SLC27A5: variants seen among roughly 807,000 people sequenced by gnomAD.
SLC27A5 encodes long-chain fatty acid transport protein 5.
SLC27A5 carries 47 observed loss-of-function variants against 63.1 expected under a neutral mutation model. That is an observed-to-expected ratio of 0.74 (90% CI 0.59 to 0.95). The LOEUF is 0.95. Ranked by LOEUF, SLC27A5 falls within the 40% of genes least tolerant of loss-of-function variation. The pLI is 0.00. For missense variants in SLC27A5, 940 were observed against 921.0 expected (o/e 1.02, Z -0.27); for synonymous variants, 391 against 403.8 (o/e 0.97, Z 0.38).
Position 58,500,549 on chromosome 19 carries a change from C to T in SLC27A5, c.1340G>A (p.Arg447His), listed in dbSNP as rs781015923. Reference sequence around the variant, plus strand: ...GCTCATCTTGCCCAGGGCCCCGCAGCGCCCCACATAGTTGACTAAGCCCAT... The same window carrying T: ...GCTCATCTTGCCCAGGGCCCCGCAGTGCCCCACATAGTTGACTAAGCCCAT... ...GNMGLVNYVG[R>H]CGALGKMSCL... The change falls in exon 5 of 10, where the codon CGC becomes CAC. Residue 447 changes from arginine (R) to histidine (H), a missense_variant. By Grantham distance (29) the Arg-to-His change is conservative. Transcript: ENST00000263093. 8 of 1,613,958 alleles carry T rather than the reference C, an allele frequency of 5.0e-6. No individual in the cohort carries two copies. The highest frequency in any genetic ancestry group is 2.2e-5 in the East Asian group (1 of 44,900).
chr19:58,498,546 T>C lies in SLC27A5; in HGVS notation c.2042A>G (p.Gln681Arg). 7 of 1,613,908 alleles carry C rather than the reference T, an allele frequency of 4.3e-6. No homozygotes were observed. Among genetic ancestry groups the C allele is most frequent in the Non-Finnish European group, 5.9e-6 (7 of 1,179,924 alleles). The stretch of plus-strand genomic sequence containing the variant: ...CCTCCAGGTTCCCTCACACACAGCC[T>C]GGTACATTTCTGCCGTCAGGGGCCG... ...SFRPLTAEMY[Q>R]AVCEGTWRL Residue 681 changes from glutamine to arginine, a missense_variant, in exon 10 of 10, where the codon CAG (glutamine) becomes CGG (arginine). Gln to Arg is a conservative substitution (Grantham distance 43). Transcript: ENST00000263093.
intron 3 of SLC27A5, among the ~76,000 whole-genome samples, chr19:58,505,123 CAG>C (rs761661520): frequency 2.6e-3 from 304 of 119,196 alleles, no homozygotes; most frequent in South Asian, 5.3e-3. Flanking sequence ...TTTTTTGAGA[CAG>C]AGTCTCGCTT....
intron 4 of SLC27A5, 41 bp downstream of exon 4, chr19:58,501,245 A>C (rs760509958): frequency 2.5e-6 from 4 of 1,600,064 alleles, no homozygotes; most frequent in Non-Finnish European, 2.6e-6. Flanking sequence ...GGGATTTCAT[A>C]CTTGGGTGTT....
At chr19:58,503,818 A>AAAC (rs2053311190) in intron 3 of SLC27A5, among the ~76,000 whole-genome samples, 3 of 150,710 alleles carry the variant, frequency 2.0e-5, no homozygotes, top group African/African-American at 7.4e-5. Flanking sequence ...AACAAACAAA[A>AAAC]AAACAGCCAA....
chr19:58,501,286 C>A lies in SLC27A5; in HGVS notation c.1182G>T (p.Gln394His). 1.2e-6 allele frequency: 2 copies of A among 1,612,896 alleles called. No homozygotes were observed. The highest frequency in any genetic ancestry group is 1.7e-6 in the Non-Finnish European group (2 of 1,179,248). Residue 394 changes from glutamine (Q) to histidine (H), a missense_variant and splice_region_variant, in exon 4 of 10, where the codon CAG becomes CAT. Gln to His is a conservative substitution (Grantham distance 24). Transcript: ENST00000263093. Reference sequence around the variant, plus strand: ...TGGAGCCCTAATCTTAGAGCCTCACCTGGGGAATGTTACACAAGTACCGCA... The same window carrying A: ...TGGAGCCCTAATCTTAGAGCCTCACATGGGGAATGTTACACAAGTACCGCA... Reference protein sequence around the residue: ...ELLRYLCNIPQQPEDRTHTVR... With the variant: ...ELLRYLCNIPHQPEDRTHTVR...
chr19:58,504,020 C>T (rs1301386637), intron 3 of SLC27A5, among the ~76,000 whole-genome samples: 1 of 151,634 alleles, frequency 6.6e-6, no homozygotes, highest in African/African-American at 2.4e-5. Flanking sequence ...GAGGATGAGG[C>T]ATGAGAATCG....
intron 3 of SLC27A5, among the ~76,000 whole-genome samples, chr19:58,504,581 G>GGGGCGGGGGGGGC (rs2053321590): frequency 6.6e-5 from 8 of 121,162 alleles, no homozygotes; most frequent in African/African-American, 2.7e-4. Flanking sequence ...CCTGGGGGGG[G>GGGGCGGGGGGGGC]GGGGGGGGCG....
At chr19:58,506,711 G>C (rs1362372105) in intron 3 of SLC27A5, among the ~76,000 whole-genome samples, 5 of 150,476 alleles carry the variant, frequency 3.3e-5, no homozygotes, top group Admixed American at 6.7e-5. Flanking sequence ...CCAGGTTGAA[G>C]CGATTTTCCT....
chr19:58,511,606 A>G lies in SLC27A5; in HGVS notation c.350T>C (p.Val117Ala). ...TCGTGCTCGCCGCTCGAAGGCATCT[A>G]CAAAGGTGTCAGGCGGCTGCCGGCT... is the stretch of plus-strand genomic sequence containing the variant. ...CLSRQPPDTF[V>A]DAFERRARAQ... is the part of the protein sequence containing the mutation. Residue 117 changes from valine to alanine, a missense_variant, in exon 1 of 10, where the codon GTA becomes GCA. Transcript: ENST00000263093. 6.3e-7 allele frequency: 1 copy of G among 1,593,780 alleles called. No homozygotes were observed.
intron 4 of SLC27A5, 80 bp downstream of exon 4, chr19:58,501,206 A>T: frequency 6.5e-7 from 1 of 1,542,198 alleles, no homozygotes. Flanking sequence ...TGAGTTCAGT[A>T]CCTGAATCTT....
chr19:58,500,270 G>T (rs191586110), intron 6 of SLC27A5, 69 bp downstream of exon 6: 1 of 1,334,716 alleles, frequency 7.5e-7, no homozygotes, highest in Admixed American at 1.7e-5. Flanking sequence ...TGAGCAGCTC[G>T]TTCCAGCCAA....
At position 58,499,186 on chromosome 19, in the gene SLC27A5, C is replaced by T; in HGVS notation, c.1702G>A (p.Glu568Lys). 1 of 1,614,016 alleles carries T rather than the reference C, an allele frequency of 6.2e-7. No individual in the cohort carries two copies. Among genetic ancestry groups the T allele is most frequent in the African/African-American group, 1.3e-5 (1 of 75,082 alleles). The stretch of plus-strand genomic sequence containing the variant: ...AAGTCCACCTGCGACAACACGCCCT[C>T]CACCTCGTGCGTGGACACGTTCTCG... ...KGENVSTHEV[E>K]GVLSQVDFLQ... Residue 568 changes from glutamate (E) to lysine (K), a missense_variant, in exon 8 of 10, where the codon GAG (glutamate) becomes AAG (lysine). Physicochemically the swap from Glu to Lys is moderately conservative, Grantham distance 56. Transcript: ENST00000263093.
chr19:58,499,441 A>C, intron 7 of SLC27A5, 51 bp downstream of exon 7: 1 of 1,590,924 alleles, frequency 6.3e-7, no homozygotes, highest in Non-Finnish European at 8.6e-7. Flanking sequence ...TAGGATCTGA[A>C]AGCGTCCGTG....
intron 3 of SLC27A5, among the ~76,000 whole-genome samples, chr19:58,502,863 G>C (rs1045342535): frequency 6.6e-5 from 10 of 152,070 alleles, no homozygotes; most frequent in Non-Finnish European, 1.5e-4. Flanking sequence ...AGAGTAGTGA[G>C]TGAGTAGATG....
At chr19:58,505,430 G>A (rs2053333979) in intron 3 of SLC27A5, among the ~76,000 whole-genome samples, 1 of 150,776 alleles carries the variant, frequency 6.6e-6, no homozygotes, top group Non-Finnish European at 1.5e-5. Flanking sequence ...GACGGATTTT[G>A]CCATGTTAGC....
At position 58,511,307 on chromosome 19, in the gene SLC27A5, C is replaced by A; in HGVS notation, c.649G>T (p.Val217Leu). 6.3e-7 allele frequency: 1 copy of A among 1,581,700 alleles called. No homozygotes were observed. Among genetic ancestry groups the A allele is most frequent in the South Asian group, 1.1e-5 (1 of 87,932 alleles). The change falls in exon 1 of 10, where the codon GTG becomes TTG. Residue 217 changes from valine (V) to leucine (L), a missense_variant. Transcript: ENST00000263093. ...HGRGMPLAHS[V>L]LSSGARVLVV... ...AGCACCCGGGCCCCAGAGCTCAGCA[C>A]AGAGTGCGCCAGGGGCATCCCCCGG...
chr19:58,499,012 A>G, intron 8 of SLC27A5, 97 bp from the exon 9 acceptor site: 8 of 1,590,908 alleles, frequency 5.0e-6, no homozygotes, highest in Non-Finnish European at 6.0e-6. Flanking sequence ...TGTGAGAGCC[A>G]GCAAGTCTCT....
intron 6 of SLC27A5, 105 bp from the exon 7 acceptor site, chr19:58,499,795 G>A: frequency 9.2e-7 from 1 of 1,086,052 alleles, no homozygotes; most frequent in Non-Finnish European, 1.3e-6. Flanking sequence ...CCCTGCCAAG[G>A]ACAGACCCAA....
Position 58,499,667 on chromosome 19 carries a change from T to G in SLC27A5, c.1492A>C (p.Lys498Gln). The change falls in exon 7 of 10, where the codon AAG (lysine) becomes CAG (glutamine). Residue 498 changes from lysine to glutamine, a missense_variant. Lys to Gln is a moderately conservative substitution (Grantham distance 53). Transcript: ENST00000263093. ...GLGEPGLLLTKVVSQQPFVGY... is the reference protein window; with the variant it reads ...GLGEPGLLLTQVVSQQPFVGY... ...ACGAAGGGTTGCTGGCTTACCACCTTGGTCAGCAGCAGCCCCGGCTCCCCT... is the reference window on the plus strand; with the variant it reads ...ACGAAGGGTTGCTGGCTTACCACCTGGGTCAGCAGCAGCCCCGGCTCCCCT... 1 of 1,611,994 alleles carries G rather than the reference T, an allele frequency of 6.2e-7. No individual in the cohort carries two copies. Among genetic ancestry groups the G allele is most frequent in the Non-Finnish European group, 8.5e-7 (1 of 1,179,962 alleles).
Sources: gnomAD v4.1 joint callset for allele counts (sites outside exome capture counted in the v4.1 genomes callset) on GRCh38, gnomAD v4.1.1 for gene constraint, MANE v1.5 for transcripts, NCBI Gene and HGNC (gene_info 2026-07-23, HGNC 2026-07-21) for gene names.